The following RIMS2 variants were observed in gnomAD, a reference collection of about 807,000 sequenced individuals.
The protein encoded by RIMS2 is regulating synaptic membrane exocytosis 2.
In RIMS2, 59 loss-of-function variants were observed where a neutral mutation model predicts 174.4. That is an observed-to-expected ratio of 0.34 (90% CI 0.27 to 0.42). RIMS2 has a LOEUF of 0.42. Ranked by LOEUF, RIMS2 falls within the 10% of genes least tolerant of loss-of-function variation. The pLI is 1.00. For synonymous variants in RIMS2, 606 were observed against 572.5 expected (o/e 1.06, Z -0.84); for missense variants, 1,620 against 1,666.3 (o/e 0.97, Z 0.48).
At chr8:103,682,618 C>A (rs1265209822) in intron 1 of RIMS2, among the ~76,000 whole-genome samples, 1 of 152,098 alleles carries the variant, frequency 6.6e-6, no homozygotes, top group East Asian at 1.9e-4. Flanking sequence ...ATGATCTTGG[C>A]AAGGAACGTC....
chr8:104,130,645 T>A (rs1325413324), intron 19 of RIMS2, among the ~76,000 whole-genome samples: 1 of 152,068 alleles, frequency 6.6e-6, no homozygotes, highest in Non-Finnish European at 1.5e-5. Flanking sequence ...TAAGAGCAAA[T>A]TGGCAAAAGT....
chr8:103,716,395 A>G (rs2097368322), intron 2 of RIMS2, 75 bp downstream of exon 5: 1 of 151,888 alleles, frequency 6.6e-6, no homozygotes, highest in South Asian at 2.1e-4. Context: ...TTATAGCTAT[A>G]TTTAATTTAT....
At chr8:103,730,123 T>C (rs1271533489) in intron 2 of RIMS2, among the ~76,000 whole-genome samples, 1 of 152,188 alleles carries the variant, frequency 6.6e-6, no homozygotes, top group Non-Finnish European at 1.5e-5. Context: ...GCCAGGATGA[T>C]TTGTCCAGTG....
At chr8:103,924,691 T>C (rs949358381) in intron 10 of RIMS2, among the ~76,000 whole-genome samples, 2 of 151,662 alleles carry the variant, frequency 1.3e-5, no homozygotes, top group African/African-American at 4.8e-5. Flanking sequence ...TTCCTAATAT[T>C]CTGTCAGTTC....
intron 3 of RIMS2, among the ~76,000 whole-genome samples, chr8:103,873,086 A>T (rs1473939048): frequency 6.6e-6 from 1 of 152,130 alleles, no homozygotes; most frequent in East Asian, 1.9e-4. Flanking sequence ...ACACAACTCT[A>T]GACTTAAAAT....
chr8:103,526,638 A>C (rs529805534), intron 1 of RIMS2, among the ~76,000 whole-genome samples: 1 of 152,250 alleles, frequency 6.6e-6, no homozygotes, highest in Non-Finnish European at 1.5e-5. Flanking sequence ...TGAAAAAGGT[A>C]ATAAATGAAA....
At chr8:103,972,946 C>T (rs2093042211) in intron 15 of RIMS2, among the ~76,000 whole-genome samples, 1 of 152,044 alleles carries the variant, frequency 6.6e-6, no homozygotes, top group Non-Finnish European at 1.5e-5. Flanking sequence ...CTCATTAATA[C>T]CATCCAGATT....
chr8:103,937,015 G>A (rs1292465890), intron 13 of RIMS2, among the ~76,000 whole-genome samples: 1 of 151,968 alleles, frequency 6.6e-6, no homozygotes. Flanking sequence ...GGAGAATGGC[G>A]TGAGCCCGGG....
chr8:104,055,195 C>T (rs1053731554), intron 19 of RIMS2, among the ~76,000 whole-genome samples: 2 of 151,930 alleles, frequency 1.3e-5, no homozygotes, highest in Admixed American at 1.3e-4. Context: ...TTTTAATACT[C>T]TCAAAAATAT....
intron 1 of RIMS2, among the ~76,000 whole-genome samples, chr8:103,632,764 A>C (rs1473573623): frequency 4.7e-5 from 4 of 84,270 alleles, no homozygotes; most frequent in South Asian, 4.4e-4. Context: ...TTTGAGATGG[A>C]GTATCGCTCT....
At chr8:103,591,851 C>G (rs76367428) in intron 1 of RIMS2, among the ~76,000 whole-genome samples, 4,716 of 150,836 alleles carry the variant, frequency 0.031, 216 homozygotes, top group African/African-American at 0.11. Context: ...ACCTTTTTTT[C>G]TTTCTCAGAG....
At chr8:103,547,034 T>C (rs1845448105) in intron 1 of RIMS2, among the ~76,000 whole-genome samples, 1 of 152,128 alleles carries the variant, frequency 6.6e-6, no homozygotes, top group South Asian at 2.1e-4. Context: ...TAAACTCCCA[T>C]GGAAAGTGTT....
intron 3 of RIMS2, among the ~76,000 whole-genome samples, chr8:103,799,173 C>A (rs928246216): frequency 1.3e-5 from 2 of 152,088 alleles, no homozygotes; most frequent in African/African-American, 4.8e-5. Context: ...CCCCTCAGAA[C>A]CTCCAAAAAG....
At chr8:103,919,885 T>A (rs2077274114) in intron 9 of RIMS2, among the ~76,000 whole-genome samples, 1 of 152,020 alleles carries the variant, frequency 6.6e-6, no homozygotes, top group Admixed American at 6.6e-5. Context: ...TTATAATTAT[T>A]ATAAAATGAT....
chr8:103,796,459 T>G (rs951147037), intron 3 of RIMS2, among the ~76,000 whole-genome samples: 4 of 152,152 alleles, frequency 2.6e-5, no homozygotes, highest in African/African-American at 9.6e-5. Context: ...GAACATAGGT[T>G]TTTCTAACTC....
At chr8:103,867,129 TTAAA>T (rs1258351151) in intron 3 of RIMS2, among the ~76,000 whole-genome samples, 1 of 151,916 alleles carries the variant, frequency 6.6e-6, no homozygotes, top group Non-Finnish European at 1.5e-5. Flanking sequence ...AAAATTTCAG[TTAAA>T]TAAAAATGAA....
At position 103,925,476 on chromosome 8, in the gene RIMS2, T is replaced by C. The variant is rs182981938; in HGVS notation, c.2197-2366T>C. On this transcript the variant is annotated intron_variant, in intron 10 of 23. Coordinates refer to ENST00000504942, the Ensembl canonical transcript of RIMS2. ...CTTTTACATTTCATTGTCATAACTTTGTTATTCTGAAAGTATTGTATGAAA... is the reference window on the plus strand; with the variant it reads ...CTTTTACATTTCATTGTCATAACTTCGTTATTCTGAAAGTATTGTATGAAA... 4.0e-3 allele frequency among the ~76,000 whole-genome samples: 606 copies of C among 151,636 alleles called. 6 individuals carry two copies. Among genetic ancestry groups the C allele is most frequent in the Non-Finnish European group, 3.2e-3 (219 of 67,508 alleles).
intron 1 of RIMS2, among the ~76,000 whole-genome samples, chr8:103,573,169 C>A (rs1413933900): frequency 6.6e-6 from 1 of 151,980 alleles, no homozygotes; most frequent in Non-Finnish European, 1.5e-5. Flanking sequence ...GGTTCTCATG[C>A]CTCAGCCACC....
chr8:104,203,494 C>CTTTTTTTTTTTTTTTTTTTTTTTTTTTT (rs10545100), intron 19 of RIMS2, among the ~76,000 whole-genome samples: 2 of 72,762 alleles, frequency 2.7e-5, no homozygotes, highest in African/African-American at 6.3e-5. Context: ...AGACACTGTA[C>CTTTTTTTTTTTTTTTTTTTTTTTTTTTT]TTTTTTTTTT....
Sources: gnomAD v4.1 joint callset for allele counts (sites outside exome capture counted in the v4.1 genomes callset) on GRCh38, gnomAD v4.1.1 for gene constraint, MANE v1.5 for transcripts, NCBI Gene and HGNC (gene_info 2026-07-23, HGNC 2026-07-21) for gene names.